The following RBBP8 variants were observed in gnomAD, a reference collection of about 807,000 sequenced individuals.
RBBP8 encodes the protein DNA endonuclease RBBP8.
A neutral mutation model predicts 108.3 loss-of-function variants in RBBP8; 88 were observed. That is an observed-to-expected ratio of 0.81 (90% CI 0.68 to 0.97). The LOEUF is 0.97. Ranked by LOEUF, RBBP8 falls within the 50% of genes least tolerant of loss-of-function variation. RBBP8 has a pLI of 0.00. For synonymous variants in RBBP8, 332 were observed against 348.2 expected (o/e 0.95, Z 0.52); for missense variants, 1,023 against 1,049.0 (o/e 0.98, Z 0.34).
intron 3 of RBBP8, among the ~76,000 whole-genome samples, chr18:22,926,005 G>A (rs1909778580): frequency 6.6e-6 from 1 of 152,136 alleles, no homozygotes; most frequent in South Asian, 2.1e-4. Flanking sequence ...AGGCTTATGG[G>A]CTAACCAACT....
rs865967025 is a variant in RBBP8 at position 22,938,466 on chromosome 18, C to T, written c.109+1506C>T. Among the ~76,000 whole-genome samples the T allele has an allele frequency of 2.0e-4, 31 of 152,278 alleles. 1 individual carries two copies. The highest frequency in any genetic ancestry group is 3.9e-4 in the East Asian group (2 of 5,182). On this transcript the variant is annotated intron_variant, in intron 2 of 18. Coordinates refer to ENST00000327155, the MANE Select transcript of RBBP8 (RefSeq NM_002894.3). ...CCTCCCAAACAGCTAGGATTACAGG[C>T]GTGAGCTGCGCCCAGCCAGATCTCA...
At chr18:23,007,163 GGT>G (rs1468842682) in intron 16 of RBBP8, among the ~76,000 whole-genome samples, 1 of 151,232 alleles carries the variant, frequency 6.6e-6, no homozygotes, top group African/African-American at 2.4e-5. Flanking sequence ...TGGGATTACA[GGT>G]GCCCACCACC....
chr18:22,943,783 A>G (rs1468699981), intron 2 of RBBP8, among the ~76,000 whole-genome samples: 1 of 152,146 alleles, frequency 6.6e-6, no homozygotes, highest in African/African-American at 2.4e-5. Context: ...ATATATATAT[A>G]TGGTTTGGTC....
At chr18:22,918,335 C>A (rs1332382994) in intron 3 of RBBP8, among the ~76,000 whole-genome samples, 4 of 152,168 alleles carry the variant, frequency 2.6e-5, no homozygotes, top group African/African-American at 9.7e-5. Context: ...TACAAAACCT[C>A]AATGGCAGAG....
At chr18:22,934,004 A>C (rs184196875) in intron 1 of RBBP8, 1 of 152,592 alleles carries the variant, frequency 6.6e-6, no homozygotes, top group African/African-American at 2.4e-5. Context: ...AGTTTGTTCA[A>C]GTCCCCTGTG....
rs372571354 is a variant in RBBP8 at position 22,968,119 on chromosome 18, C to T, written c.249-687C>T. 5.3e-5 allele frequency among the ~76,000 whole-genome samples: 8 copies of T among 151,412 alleles called. No individual in the cohort carries two copies. In the South Asian group the frequency reaches 1.7e-3, roughly 32 times the overall value. ...TCAGAGTCTTGCTCTGTCCCCCAGG[C>T]TGGAGTGCAGTGGCATGATCTCAGC... On this transcript the variant is annotated intron_variant, in intron 4 of 18. Transcript: ENST00000327155.
At chr18:23,003,394 C>T (rs2045980411) in intron 15 of RBBP8, among the ~76,000 whole-genome samples, 1 of 152,172 alleles carries the variant, frequency 6.6e-6, no homozygotes, top group Non-Finnish European at 1.5e-5. Flanking sequence ...TTTCTCAACC[C>T]AGTTACTACC....
At chr18:23,021,624 C>T (rs1372550618) in intron 17 of RBBP8, among the ~76,000 whole-genome samples, 2 of 152,100 alleles carry the variant, frequency 1.3e-5, no homozygotes, top group African/African-American at 4.8e-5. Flanking sequence ...AGTCATGGAG[C>T]CTTCAACATT....
At chr18:22,926,317 A>C (rs113590564) in intron 3 of RBBP8, among the ~76,000 whole-genome samples, 114 of 152,244 alleles carry the variant, frequency 7.5e-4, no homozygotes, top group Middle Eastern at 6.8e-3. Context: ...TAACTACTCA[A>C]GATGCTGAGG....
At chr18:22,927,763 T>C (rs1909845989) in intron 3 of RBBP8, among the ~76,000 whole-genome samples, 1 of 152,066 alleles carries the variant, frequency 6.6e-6, no homozygotes, top group Non-Finnish European at 1.5e-5. Context: ...ATATTATATA[T>C]GTGGCTCTGT....
rs138517865 is a variant in RBBP8, at chr18:22,992,214, T to C, written c.921-534T>C. 2.0e-5 allele frequency among the ~76,000 whole-genome samples: 3 copies of C among 152,302 alleles called. No individual in the cohort carries two copies. In the East Asian group the frequency reaches 5.8e-4, roughly 29 times the overall value. Reference sequence around the variant, plus strand: ...CTCAGTGGAATTTATTAAAATATGATTTTTGTTTGTTTGTTTCTTGAGACA... The same window carrying C: ...CTCAGTGGAATTTATTAAAATATGACTTTTGTTTGTTTGTTTCTTGAGACA... On this transcript the variant is annotated intron_variant, in intron 10 of 18. Transcript: ENST00000327155.
In RBBP8 at chr18:22,997,493, T is replaced by A. The variant is rs2305886; in HGVS notation, c.2029-127T>A. 395,157 of 686,554 alleles carry A rather than the reference T, an allele frequency of 0.58. 120,005 individuals are homozygous for A. The highest frequency in any genetic ancestry group is 0.68 in the Middle Eastern group (1,715 of 2,534). 42.5% of individuals were successfully genotyped at this position (686,554 alleles called of 1,614,324 possible). On this transcript the variant is annotated intron_variant, in intron 13 of 18. Transcript: ENST00000327155. Reference sequence around the variant, plus strand: ...TGTTCGTAAAGTATAAAAGCAAATATAGCTTAATGCTTAAAAGTTGTAAAA... The same window carrying A: ...TGTTCGTAAAGTATAAAAGCAAATAAAGCTTAATGCTTAAAAGTTGTAAAA...
At chr18:22,934,481 CT>C (rs1248024985) in intron 1 of RBBP8, among the ~76,000 whole-genome samples, 3 of 150,758 alleles carry the variant, frequency 2.0e-5, no homozygotes, top group Non-Finnish European at 3.0e-5. Context: ...TTTATGTCTT[CT>C]TTTTTTTTCT....
intron 3 of RBBP8, among the ~76,000 whole-genome samples, chr18:22,924,898 T>G (rs977894935): frequency 2.6e-5 from 4 of 152,002 alleles, no homozygotes; most frequent in Non-Finnish European, 5.9e-5. Flanking sequence ...GGAAGCTTTT[T>G]TTTTTTTCTT....
rs768809946 is a variant in RBBP8, at chr18:22,968,853, T to C, written c.296T>C (p.Met99Thr). ...CDRCAVTEEH[M>T]RKKQQEFENI... ...CGCTGTGCAGTAACTGAAGAACATA[T>C]GCGGAAAAAACAGCAAGAGTTTGAA... The change falls in exon 5 of 19, where the codon ATG becomes ACG. Residue 99 changes from methionine (M) to threonine (T), a missense_variant. By Grantham distance (81) the Met-to-Thr change is moderately conservative. Transcript: ENST00000327155. 5.6e-6 allele frequency: 9 copies of C among 1,613,636 alleles called. No individual in the cohort carries two copies. The East Asian group carries it at 8.9e-5, about 16-fold the overall frequency.
rs938474765 is a variant in RBBP8, at chr18:23,011,414, T to C, written c.2357+4982T>C. On this transcript the variant is annotated intron_variant, in intron 16 of 18. Coordinates refer to ENST00000327155, the MANE Select transcript of RBBP8 (RefSeq NM_002894.3). Reference sequence around the variant, plus strand: ...TTCATTATTATATCTGTTACAGTGTTCTGTGATCAGTGATCTTTGATGCTA... The same window carrying C: ...TTCATTATTATATCTGTTACAGTGTCCTGTGATCAGTGATCTTTGATGCTA... 2.7e-5 allele frequency among the ~76,000 whole-genome samples: 4 copies of C among 150,810 alleles called. No individual in the cohort carries two copies. The Admixed American group carries it at 2.7e-4, about 10-fold the overall frequency.
intron 14 of RBBP8, 35 bp downstream of exon 14, chr18:22,997,769 T>TA (rs1567989272): frequency 7.2e-7 from 1 of 1,387,266 alleles, no homozygotes; most frequent in Non-Finnish European, 1.0e-6. Flanking sequence ...TTTTTTTTAA[T>TA]AACGTTGTGT....
intron 16 of RBBP8, among the ~76,000 whole-genome samples, chr18:23,012,525 C>T (rs1186475376): frequency 6.6e-6 from 1 of 151,888 alleles, no homozygotes; most frequent in Non-Finnish European, 1.5e-5. Context: ...AACCAGCCAC[C>T]GCATTCCTTT....
chr18:22,961,317 T>A (rs1207150346), intron 4 of RBBP8, among the ~76,000 whole-genome samples: 2 of 152,220 alleles, frequency 1.3e-5, no homozygotes, highest in South Asian at 4.1e-4. Flanking sequence ...GGGGCCCAGC[T>A]ATACAGGTAG....
Sources: gnomAD v4.1 joint callset for allele counts (sites outside exome capture counted in the v4.1 genomes callset) on GRCh38, gnomAD v4.1.1 for gene constraint, MANE v1.5 for transcripts, NCBI Gene and HGNC (gene_info 2026-07-23, HGNC 2026-07-21) for gene names.